Variants in CDCP1 observed in about 807,000 individuals in gnomAD.
The protein encoded by CDCP1 is CUB domain containing protein 1.
Under a neutral mutation model 60.2 loss-of-function variants are expected in CDCP1, and 29 were observed. The observed-to-expected ratio is 0.48, with a 90% CI of 0.36 to 0.66. The LOEUF (loss-of-function observed/expected upper bound fraction) is 0.66. CDCP1 is among the 30% of genes least tolerant of loss of function. CDCP1 has a pLI of 0.00. For synonymous variants in CDCP1, 387 were observed against 431.1 expected, an observed-to-expected ratio of 0.90 and a Z score of 1.27; for missense variants, 876 against 1,074.3, an observed-to-expected ratio of 0.82 and a Z score of 2.58.
chr3:45,110,410 G>C, intron 4 of CDCP1, 63 bp downstream of exon 4: 1 of 1,576,044 alleles, frequency 6.3e-7, no homozygotes, highest in African/African-American at 1.3e-5. Context: ...CACCCAGGCA[G>C]ACTACCCAGG....
chr3:45,131,596 C>G (rs1699094138), intron 1 of CDCP1, among the ~76,000 whole-genome samples: 1 of 152,190 alleles, frequency 6.6e-6, no homozygotes, highest in Non-Finnish European at 1.5e-5. Flanking sequence ...GAATTAATTG[C>G]TAATTACTAA....
rs905329454 is a variant in CDCP1 at position 45,083,403 on chromosome 3, A to T, written c.*2235T>A. On this transcript the variant is annotated 3_prime_UTR_variant, in exon 9 of 9. Transcript: ENST00000296129. ...TTTAGGAGACTATAAAATTCCTTTC[A>T]TTTATGCCATGTGAACAAGTTGAGG... 2.0e-5 allele frequency: 3 copies of T among 152,232 alleles called. No homozygotes were observed. The highest frequency in any genetic ancestry group is 2.0e-4 in the Admixed American group (3 of 15,286). The allele number at this position is 152,232 out of a possible 1,614,324, so 9.4% of individuals were successfully genotyped here. A position where few individuals can be genotyped will look rare whatever the true frequency, so the allele number is the denominator to read the frequency against.
At chr3:45,140,966 C>T (rs1023623956) in intron 1 of CDCP1, among the ~76,000 whole-genome samples, 2 of 152,100 alleles carry the variant, frequency 1.3e-5, no homozygotes, top group African/African-American at 2.4e-5. Flanking sequence ...TTTGGCAGAG[C>T]GAGGTGGGTG....
intron 1 of CDCP1, among the ~76,000 whole-genome samples, chr3:45,143,127 C>T (rs1345195795): frequency 6.6e-6 from 1 of 152,132 alleles, no homozygotes; most frequent in Non-Finnish European, 1.5e-5. Flanking sequence ...TAGCTTGAAC[C>T]TGGGAGACGG....
At chr3:45,097,507 TAAAAAAA>T (rs375695747) in intron 4 of CDCP1, among the ~76,000 whole-genome samples, 3 of 126,678 alleles carry the variant, frequency 2.4e-5, no homozygotes, top group Admixed American at 8.1e-5. Context: ...TTCTTTTGTT[TAAAAAAA>T]AAAAAAAAAA....
chr3:45,089,024 CA>C (rs1460557983), intron 8 of CDCP1, 29 bp downstream of exon 8: 4 of 1,559,378 alleles, frequency 2.6e-6, no homozygotes, highest in Non-Finnish European at 3.5e-6. Flanking sequence ...GGCATCAAAT[CA>C]GATAAAGAGA....
At chr3:45,094,600 C>T (rs956266059) in intron 5 of CDCP1, among the ~76,000 whole-genome samples, 2 of 151,596 alleles carry the variant, frequency 1.3e-5, no homozygotes, top group African/African-American at 2.4e-5. Context: ...TGTCCAGCAC[C>T]GGTAGGGGCT....
At chr3:45,112,537 CTT>C (rs1250860914) in intron 2 of CDCP1, 92 bp from the exon 3 acceptor site, 2 of 1,516,944 alleles carry the variant, frequency 1.3e-6, no homozygotes, top group African/African-American at 2.8e-5. Flanking sequence ...GTAGTAGACT[CTT>C]TGGGGCTCCC....
chr3:45,122,144 A>ATT (rs145595755), intron 1 of CDCP1, among the ~76,000 whole-genome samples: 1,877 of 138,282 alleles, frequency 0.014, 43 homozygotes, highest in African/African-American at 0.041. Flanking sequence ...TATAATCTGT[A>ATT]TTTTTTTTTT....
At chr3:45,121,748 G>A (rs1468779795) in intron 1 of CDCP1, among the ~76,000 whole-genome samples, 1 of 152,132 alleles carries the variant, frequency 6.6e-6, no homozygotes, top group Non-Finnish European at 1.5e-5. Flanking sequence ...GTATCTTGAC[G>A]ATAGCAGTGA....
chr3:45,114,972 G>A (rs897507232), intron 2 of CDCP1, among the ~76,000 whole-genome samples: 1 of 152,158 alleles, frequency 6.6e-6, no homozygotes, highest in Non-Finnish European at 1.5e-5. Context: ...GCATTCAAAG[G>A]CTTGACTTGT....
intron 1 of CDCP1, among the ~76,000 whole-genome samples, chr3:45,129,595 T>A (rs6803909): frequency 0.042 from 6,439 of 152,272 alleles, 336 homozygotes; most frequent in South Asian, 0.13. Flanking sequence ...TGAAAGTCAC[T>A]GAGGATCACA....
chr3:45,094,313 C>T (rs545344807), intron 5 of CDCP1, among the ~76,000 whole-genome samples: 2 of 152,130 alleles, frequency 1.3e-5, no homozygotes, highest in Non-Finnish European at 2.9e-5. Context: ...GCAACCTCCA[C>T]CTCCCGGGTT....
chr3:45,138,033 T>C (rs1393653525), intron 1 of CDCP1, among the ~76,000 whole-genome samples: 1 of 152,160 alleles, frequency 6.6e-6, no homozygotes, highest in Non-Finnish European at 1.5e-5. Flanking sequence ...TCTTGGCTAA[T>C]AACACCCGGT....
intron 1 of CDCP1, among the ~76,000 whole-genome samples, chr3:45,120,227 T>C (rs1698860039): frequency 1.3e-5 from 2 of 152,122 alleles, no homozygotes; most frequent in South Asian, 4.1e-4. Context: ...TCAGCAGCTG[T>C]ATGTGATCAC....
rs1249147310 is a variant in CDCP1 at position 45,137,035 on chromosome 3, A to G, written c.82+9171T>C. Among the ~76,000 whole-genome samples the G allele has an allele frequency of 5.3e-5, 8 of 152,336 alleles. No homozygotes were observed. The South Asian group carries it at 1.7e-3, about 32-fold the overall frequency. On this transcript the variant is annotated intron_variant, in intron 1 of 8. Transcript: ENST00000296129. ...CAGTAGAGCTGAAAAATATTTTTAC[A>G]TTTAGATAAATAATATATGAAGCAC...
intron 6 of CDCP1, among the ~76,000 whole-genome samples, chr3:45,092,472 T>C (rs1343789204): frequency 1.3e-5 from 2 of 152,142 alleles, no homozygotes; most frequent in Admixed American, 6.5e-5. Context: ...TCCACACTGA[T>C]GAGAATGTGT....
At chr3:45,137,642 AT>A (rs1699209810) in intron 1 of CDCP1, among the ~76,000 whole-genome samples, 1 of 118,960 alleles carries the variant, frequency 8.4e-6, no homozygotes, top group Non-Finnish European at 1.7e-5. Flanking sequence ...CCCCATCTCT[AT>A]TAAAAATACA....
At chr3:45,126,108 C>CTCTG (rs1553610967) in intron 1 of CDCP1, among the ~76,000 whole-genome samples, 2 of 110,010 alleles carry the variant, frequency 1.8e-5, no homozygotes, top group East Asian at 5.7e-4. Flanking sequence ...TTGTCTCTCT[C>CTCTG]TCTTTCTTTC....
Sources: gnomAD v4.1 joint callset for allele counts (sites outside exome capture counted in the v4.1 genomes callset) on GRCh38, gnomAD v4.1.1 for gene constraint, MANE v1.5 for transcripts, NCBI Gene and HGNC (gene_info 2026-07-23, HGNC 2026-07-21) for gene names.